The following ZNF264 variants were observed in gnomAD, a reference collection of about 807,000 sequenced individuals.
ZNF264 encodes zinc finger protein 264.
In ZNF264, 11 loss-of-function variants were observed where a neutral mutation model predicts 11.2. That is an observed-to-expected ratio of 0.98 (90% confidence interval 0.62 to 1.63). The LOEUF (loss-of-function observed/expected upper bound fraction) is 1.63. Ranked by LOEUF, ZNF264 falls within the 40% of genes most tolerant of loss-of-function variation. The pLI, the probability that ZNF264 is intolerant of heterozygous loss-of-function variation, is 0.00. For missense variants in ZNF264, 752 were observed against 768.1 expected (o/e 0.98, Z 0.25); for synonymous variants, 309 against 279.8 (o/e 1.10, Z -1.04).
rs2087368148 is a variant in ZNF264, at chr19:57,214,792, T to A, written c.*1811T>A. ...AGTGTGGAATTTTGTTCAGTACTTT[T>A]TCTCCACCAGTTGATGTCATTATGC... is the stretch of plus-strand genomic sequence containing the variant. On this transcript the variant is annotated 3_prime_UTR_variant, in exon 4 of 4. Transcript: ENST00000263095. The A allele has an allele frequency of 6.6e-6, 1 of 152,274 alleles. No homozygotes were observed. Among genetic ancestry groups the A allele is most frequent in the Non-Finnish European group, 1.5e-5 (1 of 68,056 alleles). The allele number at this position is 152,274 out of a possible 1,614,324, so 9.4% of individuals were successfully genotyped here.
intron 3 of ZNF264, among the ~76,000 whole-genome samples, chr19:57,208,805 A>C (rs1188793068): frequency 6.6e-6 from 1 of 152,188 alleles, no homozygotes; most frequent in Non-Finnish European, 1.5e-5. Flanking sequence ...CTTAACCAGG[A>C]AAGAGAGGTT....
chr19:57,197,365 T>A (rs1220856790), intron 2 of ZNF264, among the ~76,000 whole-genome samples: 1 of 151,836 alleles, frequency 6.6e-6, no homozygotes, highest in African/African-American at 2.4e-5. Context: ...TGACCCATAG[T>A]GTAACAGGCC....
In ZNF264 at chr19:57,194,001, G is replaced by T. The variant is rs779466039; in HGVS notation, c.160G>T (p.Gly54Trp). Residue 54 changes from glycine to tryptophan, a missense_variant and splice_region_variant, in exon 2 of 4, where the codon GGG (glycine) becomes TGG (tryptophan). Coordinates refer to ENST00000263095, the MANE Select transcript of ZNF264 (RefSeq NM_003417.5). ...LENCGLLVSL[G>W]CPVPKAELIC... ...AAACTGTGGGCTCCTGGTGTCTCTG[G>T]GTAAGGCCTTCCTTCCCCCTCCACC... 6.2e-7 allele frequency: 1 copy of T among 1,605,706 alleles called. No homozygotes were observed.
rs942270448 is a variant in ZNF264, at chr19:57,212,143, G to A, written c.1046G>A (p.Gly349Asp). ...GENPYECLECGKVFKHRSYLM... is the reference protein window; with the variant it reads ...GENPYECLECDKVFKHRSYLM... The stretch of plus-strand genomic sequence containing the variant: ...AATCCCTATGAGTGCTTGGAGTGTG[G>A]CAAGGTCTTCAAACACAGGTCATAT... The change falls in exon 4 of 4, where the codon GGC becomes GAC. Residue 349 changes from glycine to aspartate, a missense_variant. Gly to Asp is a moderately conservative substitution (Grantham distance 94, BLOSUM62 -1). Coordinates refer to ENST00000263095, the MANE Select transcript of ZNF264 (RefSeq NM_003417.5). The A allele has an allele frequency of 1.2e-6, 2 of 1,614,188 alleles. No individual in the cohort carries two copies. The highest frequency in any genetic ancestry group is 2.2e-5 in the East Asian group (1 of 44,884).
chr19:57,207,545 C>CTTTTTTTTT (rs757880568), intron 3 of ZNF264, among the ~76,000 whole-genome samples: 2 of 103,120 alleles, frequency 1.9e-5, no homozygotes, highest in East Asian at 2.6e-4. Flanking sequence ...TTTTTCTTTT[C>CTTTTTTTTT]TTTTTTTTTT....
Position 57,221,666 on chromosome 19 carries a change from G to A in ZNF264, c.*8685G>A, listed in dbSNP as rs1183715379. 3 of 152,318 alleles carry A rather than the reference G, an allele frequency of 2.0e-5. No individual in the cohort carries two copies. The highest frequency in any genetic ancestry group is 1.9e-4 in the East Asian group (1 of 5,182). 9.4% of individuals were successfully genotyped at this position (152,318 alleles called of 1,614,324 possible). On this transcript the variant is annotated 3_prime_UTR_variant, in exon 4 of 4. Coordinates refer to ENST00000263095, the MANE Select transcript of ZNF264 (RefSeq NM_003417.5). ...TATATGTCCACTGGGAAGCTTATTA[G>A]AGACTCAGTGCCAGGGTTTTTATTG...
At chr19:57,195,992 T>G (rs1324440538) in intron 2 of ZNF264, among the ~76,000 whole-genome samples, 1 of 151,834 alleles carries the variant, frequency 6.6e-6, no homozygotes, top group African/African-American at 2.4e-5. Flanking sequence ...CCATGAATCC[T>G]GGCTATGGGA....
At chr19:57,208,590 CA>C (rs997107238) in intron 3 of ZNF264, among the ~76,000 whole-genome samples, 1 of 150,096 alleles carries the variant, frequency 6.7e-6, no homozygotes. Flanking sequence ...GAACCAGAGG[CA>C]AAAAAAAATT....
At chr19:57,202,549 G>A (rs2087261030) in intron 2 of ZNF264, among the ~76,000 whole-genome samples, 1 of 151,856 alleles carries the variant, frequency 6.6e-6, no homozygotes, top group East Asian at 1.9e-4. Flanking sequence ...TTCTGACTGT[G>A]GGTCTCATGA....
chr19:57,207,475 A>T (rs1599952199), intron 3 of ZNF264, among the ~76,000 whole-genome samples: 1 of 148,582 alleles, frequency 6.7e-6, no homozygotes, highest in Non-Finnish European at 1.5e-5. Context: ...TCCTTTCTTC[A>T]TTTATATTCT....
At chr19:57,200,933 T>C (rs1212253150) in intron 2 of ZNF264, among the ~76,000 whole-genome samples, 1 of 151,914 alleles carries the variant, frequency 6.6e-6, no homozygotes, top group African/African-American at 2.4e-5. Context: ...TAATAAAATT[T>C]TTTTTATACA....
At chr19:57,199,081 C>T (rs2087232834) in intron 2 of ZNF264, among the ~76,000 whole-genome samples, 1 of 151,998 alleles carries the variant, frequency 6.6e-6, no homozygotes, top group Non-Finnish European at 1.5e-5. Context: ...CGCCAGAGAT[C>T]TACATGAGTC....
chr19:57,218,920 G>A lies in ZNF264; in HGVS notation c.*5939G>A, dbSNP rs1359622071. 2 of 152,142 alleles carry A rather than the reference G, an allele frequency of 1.3e-5. No homozygotes were observed. Among genetic ancestry groups the A allele is most frequent in the African/African-American group, 4.8e-5 (2 of 41,428 alleles). The allele number at this position is 152,142 out of a possible 1,614,324, so 9.4% of individuals were successfully genotyped here. A position where few individuals can be genotyped will look rare whatever the true frequency, so the allele number is the denominator to read the frequency against. On this transcript the variant is annotated 3_prime_UTR_variant, in exon 4 of 4. Transcript: ENST00000263095. ...TATTCCAAAGTCATGGTTCTCTGGT[G>A]GTTTGTCTTGACATTTGAATAGAAA... is the stretch of plus-strand genomic sequence containing the variant.
In ZNF264 at chr19:57,218,641, A is replaced by T. The variant is rs1032285403; in HGVS notation, c.*5660A>T. ...TGTTTTACACTCCCATGGGTCCTTC[A>T]GGCTCTCATCTTTTTTCTTTTTCCA... is the stretch of plus-strand genomic sequence containing the variant. On this transcript the variant is annotated 3_prime_UTR_variant, in exon 4 of 4. Coordinates refer to ENST00000263095, the MANE Select transcript of ZNF264 (RefSeq NM_003417.5). 6.6e-6 allele frequency: 1 copy of T among 152,144 alleles called. No individual in the cohort carries two copies. The highest frequency in any genetic ancestry group is 1.5e-5 in the Non-Finnish European group (1 of 68,010). 9.4% of individuals were successfully genotyped at this position (152,144 alleles called of 1,614,324 possible).
chr19:57,205,311 C>T (rs892379577), intron 2 of ZNF264, 86 bp from the exon 3 acceptor site: 1 of 1,312,556 alleles, frequency 7.6e-7, no homozygotes, highest in Non-Finnish European at 1.1e-6. Flanking sequence ...AAGGTCTGGT[C>T]TCCATCCTGA....
intron 2 of ZNF264, among the ~76,000 whole-genome samples, chr19:57,196,279 A>G (rs1331560913): frequency 6.6e-6 from 1 of 151,990 alleles, no homozygotes; most frequent in Non-Finnish European, 1.5e-5. Flanking sequence ...TGGATAAAGC[A>G]TTCCATGAGT....
Position 57,208,881 on chromosome 19 carries a change from A to C in ZNF264, c.257-2473A>C, listed in dbSNP as rs1457584224. Among the ~76,000 whole-genome samples, 34 of 152,214 alleles carry C rather than the reference A, an allele frequency of 2.2e-4. 1 individual carries two copies. The highest frequency in any genetic ancestry group is 5.9e-5 in the Non-Finnish European group (4 of 68,040). ...TTTGCTCATCAAATGGACACAGAATAGTCTCGTGTTCTTGATTTCCCTTTC... is the reference window on the plus strand; with the variant it reads ...TTTGCTCATCAAATGGACACAGAATCGTCTCGTGTTCTTGATTTCCCTTTC... On this transcript the variant is annotated intron_variant, in intron 3 of 3. Coordinates refer to ENST00000263095, the MANE Select transcript of ZNF264 (RefSeq NM_003417.5).
Position 57,216,154 on chromosome 19 carries a change from G to A in ZNF264, c.*3173G>A, listed in dbSNP as rs2087378725. 1 of 152,250 alleles carries A rather than the reference G, an allele frequency of 6.6e-6. No homozygotes were observed. Among genetic ancestry groups the A allele is most frequent in the Non-Finnish European group, 1.5e-5 (1 of 68,096 alleles). 9.4% of individuals were successfully genotyped at this position (152,250 alleles called of 1,614,324 possible). The stretch of plus-strand genomic sequence containing the variant: ...GGATCACCTGAGGCCAGGAGTTCGA[G>A]ACCAGCCTGGCCAACATGGCAAAAC... On this transcript the variant is annotated 3_prime_UTR_variant, in exon 4 of 4. Transcript: ENST00000263095.
chr19:57,222,649 T>G lies in ZNF264; in HGVS notation c.*9668T>G, dbSNP rs1158990016. ...TGGTGCGACTTGCAGGTACTCCCTTTGTTCACCTTTGTAAAGATGTTATTG... is the reference window on the plus strand; with the variant it reads ...TGGTGCGACTTGCAGGTACTCCCTTGGTTCACCTTTGTAAAGATGTTATTG... On this transcript the variant is annotated 3_prime_UTR_variant, in exon 4 of 4. Coordinates refer to ENST00000263095, the MANE Select transcript of ZNF264 (RefSeq NM_003417.5). 1 of 152,152 alleles carries G rather than the reference T, an allele frequency of 6.6e-6. No individual in the cohort carries two copies. Among genetic ancestry groups the G allele is most frequent in the African/African-American group, 2.4e-5 (1 of 41,422 alleles). The allele number at this position is 152,152 out of a possible 1,614,324, so 9.4% of individuals were successfully genotyped here. A position where few individuals can be genotyped will look rare whatever the true frequency, so the allele number is the denominator to read the frequency against.
Sources: allele counts gnomAD v4.1 joint callset (sites outside exome capture counted in the v4.1 genomes callset), GRCh38; gene constraint gnomAD v4.1.1; transcripts MANE v1.5; gene names NCBI Gene and HGNC (gene_info 2026-07-23, HGNC 2026-07-21).